PTPRG: variants seen among roughly 807,000 people sequenced by gnomAD.
PTPRG encodes protein tyrosine phosphatase receptor type G.
A neutral mutation model predicts 165.3 loss-of-function variants in PTPRG; 102 were observed. The ratio of observed to expected loss-of-function variants is 0.62; its 90% confidence interval spans 0.53 to 0.73. The LOEUF (loss-of-function observed/expected upper bound fraction) is 0.73, where lower values mean the gene tolerates loss of function less well. Ranked by LOEUF, PTPRG falls within the 30% of genes least tolerant of loss-of-function variation. PTPRG has a pLI of 0.00. For missense variants in PTPRG, 1,866 were observed against 1,861.4 expected, an observed-to-expected ratio of 1.00 and a Z score of -0.05; for synonymous variants, 675 against 669.5, an observed-to-expected ratio of 1.01 and a Z score of -0.13.
chr3:61,612,475 G>A (rs1271810707), intron 1 of PTPRG, among the ~76,000 whole-genome samples: 1 of 152,204 alleles, frequency 6.6e-6, no homozygotes, highest in Non-Finnish European at 1.5e-5. Context: ...AGTACTGCAT[G>A]TGGCCTGTTT....
At chr3:61,668,589 T>A (rs1420322038) in intron 1 of PTPRG, among the ~76,000 whole-genome samples, 1 of 152,200 alleles carries the variant, frequency 6.6e-6, no homozygotes, top group African/African-American at 2.4e-5. Context: ...TTGAGTTTCT[T>A]TTGTTAAATC....
chr3:61,927,043 A>G (rs2039232200), intron 2 of PTPRG, among the ~76,000 whole-genome samples: 1 of 152,202 alleles, frequency 6.6e-6, no homozygotes, highest in African/African-American at 2.4e-5. Flanking sequence ...CAACTGCATG[A>G]GTACATATGA....
chr3:61,874,017 A>G (rs1212753048), intron 2 of PTPRG, among the ~76,000 whole-genome samples: 1 of 152,170 alleles, frequency 6.6e-6, no homozygotes, highest in Non-Finnish European at 1.5e-5. Flanking sequence ...TTTTTGTATT[A>G]TTATAGTTTG....
intron 2 of PTPRG, among the ~76,000 whole-genome samples, chr3:61,755,578 T>C (rs2033608905): frequency 1.3e-5 from 2 of 152,208 alleles, no homozygotes. Flanking sequence ...TGCCAGGTGT[T>C]GTGCTAAATG....
intron 5 of PTPRG, among the ~76,000 whole-genome samples, chr3:62,086,453 G>A (rs1479279013): frequency 6.6e-6 from 1 of 152,134 alleles, no homozygotes; most frequent in Non-Finnish European, 1.5e-5. Context: ...AATTGAGTTT[G>A]TGTTGGAGAA....
chr3:62,024,674 T>C (rs532878594), intron 4 of PTPRG, among the ~76,000 whole-genome samples: 8 of 152,326 alleles, frequency 5.3e-5, no homozygotes, highest in Non-Finnish European at 1.0e-4. Flanking sequence ...TCTTACCAAG[T>C]GGGTTTTTAA....
At chr3:61,871,601 G>C (rs1380138335) in intron 2 of PTPRG, among the ~76,000 whole-genome samples, 1 of 152,132 alleles carries the variant, frequency 6.6e-6, no homozygotes, top group African/African-American at 2.4e-5. Flanking sequence ...GATCATGGTT[G>C]ATGTAGTATG....
chr3:62,071,182 CT>C (rs1701199099), intron 4 of PTPRG, among the ~76,000 whole-genome samples: 2 of 152,152 alleles, frequency 1.3e-5, no homozygotes, highest in African/African-American at 4.8e-5. Context: ...TGCCTTCCCC[CT>C]GAGCTATCTG....
chr3:61,668,188 A>G (rs1702860814), intron 1 of PTPRG, among the ~76,000 whole-genome samples: 1 of 152,234 alleles, frequency 6.6e-6, no homozygotes, highest in Non-Finnish European at 1.5e-5. Flanking sequence ...CAAATTTTTA[A>G]AAATCTTAAT....
intron 14 of PTPRG, among the ~76,000 whole-genome samples, chr3:62,242,240 A>G (rs544735003): frequency 1.7e-4 from 26 of 152,320 alleles, no homozygotes; most frequent in African/African-American, 5.8e-4. Flanking sequence ...GTTCTTCACA[A>G]ATTTAGGTAA....
intron 4 of PTPRG, among the ~76,000 whole-genome samples, chr3:62,065,251 T>C (rs1700972707): frequency 6.6e-6 from 1 of 152,174 alleles, no homozygotes; most frequent in African/African-American, 2.4e-5. Flanking sequence ...CACTGAGGCA[T>C]GTTTACATAT....
intron 2 of PTPRG, among the ~76,000 whole-genome samples, chr3:61,921,164 T>TTCCTTCCTTCCTTCCTTCCTTCCTTCC (rs2039070275): frequency 1.4e-5 from 2 of 137,998 alleles, no homozygotes; most frequent in African/African-American, 6.1e-5. Context: ...TCCTTCCTTC[T>TTCCTTCCTTCCTTCCTTCCTTCCTTCC]TACCTATCTA....
intron 2 of PTPRG, among the ~76,000 whole-genome samples, chr3:61,830,944 T>G (rs1429765047): frequency 6.6e-6 from 1 of 152,208 alleles, no homozygotes; most frequent in Non-Finnish European, 1.5e-5. Flanking sequence ...TGTGCTTTGT[T>G]TTTACTTGGT....
At chr3:61,766,444 T>G (rs1342775936) in intron 2 of PTPRG, among the ~76,000 whole-genome samples, 1 of 152,198 alleles carries the variant, frequency 6.6e-6, no homozygotes, top group Admixed American at 6.5e-5. Flanking sequence ...GTTTTCTTTC[T>G]TAGATTTTGA....
intron 1 of PTPRG, among the ~76,000 whole-genome samples, chr3:61,583,934 G>C (rs1221877575): frequency 6.6e-6 from 1 of 152,214 alleles, no homozygotes; most frequent in African/African-American, 2.4e-5. Context: ...ACCAATATCA[G>C]CTGGAAGTAC....
chr3:61,767,999 G>A (rs1178658965), intron 2 of PTPRG, among the ~76,000 whole-genome samples: 1 of 150,928 alleles, frequency 6.6e-6, no homozygotes, highest in African/African-American at 2.4e-5. Context: ...AAAAATCTTG[G>A]TATTTAATTT....
intron 1 of PTPRG, among the ~76,000 whole-genome samples, chr3:61,653,896 C>T (rs373867723): frequency 1.9e-4 from 4 of 20,900 alleles, no homozygotes; most frequent in East Asian, 2.4e-3. Context: ...AAGCGGGGAG[C>T]GGTGGGGGGC....
chr3:62,257,083 A>G (rs1701553423), intron 16 of PTPRG, among the ~76,000 whole-genome samples: 1 of 152,146 alleles, frequency 6.6e-6, no homozygotes. Flanking sequence ...AAAGGTTTAA[A>G]ATCAGAGCTG....
chr3:62,252,356 G>A lies in PTPRG; in HGVS notation c.2468-2768G>A, dbSNP rs566267869. ...TCTGAGTCGGAGCACTTTTTATCTA[G>A]GGTCTGCAGCCAACTTCTTCTGCCA... On this transcript the variant is annotated intron_variant, in intron 15 of 29. Transcript: ENST00000474889. This position sits in a 1 kb window ranked among gnomAD's most constrained non-coding sequence, Gnocchi z 4.6. Among the ~76,000 whole-genome samples, 1 of 152,164 alleles carries A rather than the reference G, an allele frequency of 6.6e-6. No individual in the cohort carries two copies. The highest frequency in any genetic ancestry group is 1.5e-5 in the Non-Finnish European group (1 of 68,024).
Sources: gnomAD v4.1 joint callset for allele counts (sites outside exome capture counted in the v4.1 genomes callset) on GRCh38, gnomAD v4.1.1 for gene constraint, Gnocchi (gnomAD v3.1) non-coding constraint, MANE v1.5 for transcripts, NCBI Gene and HGNC (gene_info 2026-07-23, HGNC 2026-07-21) for gene names.